The following UBE2E1 variants were observed in gnomAD, a reference collection of about 807,000 sequenced individuals.
The protein encoded by UBE2E1 is ubiquitin conjugating enzyme E2 E1.
A neutral mutation model predicts 21.4 loss-of-function variants in UBE2E1; 6 were observed. The ratio of observed to expected loss-of-function variants is 0.28; its 90% CI spans 0.15 to 0.55. The LOEUF is 0.55. Among genes scored for constraint, UBE2E1 ranks in the 20% least tolerant of loss-of-function variants. The pLI, the probability that UBE2E1 is intolerant of heterozygous loss-of-function variation, is 0.93. For missense variants in UBE2E1, 142 were observed against 236.5 expected, an observed-to-expected ratio of 0.60 and a Z score of 2.62; for synonymous variants, 87 against 82.7, an observed-to-expected ratio of 1.05 and a Z score of -0.28.
At chr3:23,864,695 T>G (rs1440516452) in intron 3 of UBE2E1, among the ~76,000 whole-genome samples, 1 of 152,266 alleles carries the variant, frequency 6.6e-6, no homozygotes, top group African/African-American at 2.4e-5. Flanking sequence ...TTTCTGTAGT[T>G]GGCTATCTTC....
In UBE2E1 at chr3:23,810,734, G is replaced by T. The variant is rs1181215324; in HGVS notation, c.153-726G>T. The T allele has an allele frequency of 5.2e-6, 2 of 387,834 alleles. No homozygotes were observed. Among genetic ancestry groups the T allele is most frequent in the East Asian group, 4.5e-5 (1 of 22,252 alleles). The allele number at this position is 387,834 out of a possible 1,614,324, so 24.0% of individuals were successfully genotyped here. ...GCTGGGGCGGCGCGGAGCAGCCCCC[G>T]TGCGGGCACCCTGTTCCCCTCCCCC... is the stretch of plus-strand genomic sequence containing the variant. On this transcript the variant is annotated intron_variant, in intron 2 of 5. Transcript: ENST00000306627. This position sits in a 1 kb window ranked among gnomAD's most constrained non-coding sequence, Gnocchi z 5.8.
Position 23,836,136 on chromosome 3 carries a change from C to A in UBE2E1, c.203+24626C>A, listed in dbSNP as rs961069629. ...AACTGTTTAGGATATAGATGAAATA[C>A]ATTGAAACAGCAAGAAGTTAAAGCA... is the stretch of plus-strand genomic sequence containing the variant. On this transcript the variant is annotated intron_variant, in intron 3 of 5. Transcript: ENST00000306627. This position sits in a 1 kb window ranked among gnomAD's most constrained non-coding sequence, Gnocchi z 4.1. 3.3e-5 allele frequency among the ~76,000 whole-genome samples: 5 copies of A among 152,104 alleles called. No homozygotes were observed. Among genetic ancestry groups the A allele is most frequent in the African/African-American group, 1.2e-4 (5 of 41,410 alleles).
At chr3:23,872,335 TTCGGC>T (rs1700817925) in intron 3 of UBE2E1, among the ~76,000 whole-genome samples, 1 of 151,570 alleles carries the variant, frequency 6.6e-6, no homozygotes, top group Admixed American at 6.6e-5. Context: ...ACAGTCCAGC[TTCGGC>T]TCGGCATCAG....
chr3:23,879,760 T>C (rs548273557), intron 3 of UBE2E1, among the ~76,000 whole-genome samples: 1 of 152,348 alleles, frequency 6.6e-6, no homozygotes, highest in African/African-American at 2.4e-5. Context: ...AGTCTGTTTC[T>C]AGCATGCTTA....
intron 3 of UBE2E1, among the ~76,000 whole-genome samples, chr3:23,839,018 G>A (rs899285954): frequency 4.0e-5 from 6 of 151,522 alleles, no homozygotes; most frequent in Admixed American, 6.6e-5. Flanking sequence ...CTACGTTCAC[G>A]TGATAATTAT....
chr3:23,851,166 C>G (rs113411369), intron 3 of UBE2E1, among the ~76,000 whole-genome samples: 108 of 152,258 alleles, frequency 7.1e-4, no homozygotes, highest in African/African-American at 1.4e-3. Context: ...CTCCATTGAG[C>G]TGATTTGGCA....
chr3:23,827,080 A>T, intron 3 of UBE2E1, among the ~76,000 whole-genome samples: 1 of 152,164 alleles, frequency 6.6e-6, no homozygotes, highest in East Asian at 1.9e-4. Flanking sequence ...TTTTTCACTT[A>T]TCCATTATAA....
chr3:23,809,019 G>C, intron 2 of UBE2E1, among the ~76,000 whole-genome samples: 1 of 152,172 alleles, frequency 6.6e-6, no homozygotes, highest in East Asian at 1.9e-4. Flanking sequence ...CAGAGAGGGG[G>C]ATTTTTTTCA....
intron 3 of UBE2E1, among the ~76,000 whole-genome samples, chr3:23,865,977 G>A (rs541767817): frequency 6.6e-6 from 1 of 152,290 alleles, no homozygotes; most frequent in South Asian, 2.1e-4. Context: ...AGCTAGAAGG[G>A]TGTGTGTAGA....
rs1468991168 is a variant in UBE2E1 at position 23,891,381 on chromosome 3, T to C, written c.*775T>C. 6.6e-6 allele frequency: 1 copy of C among 152,268 alleles called. No homozygotes were observed. The highest frequency in any genetic ancestry group is 2.4e-5 in the African/African-American group (1 of 41,470). The allele number at this position is 152,268 out of a possible 1,614,324, so 9.4% of individuals were successfully genotyped here. On this transcript the variant is annotated 3_prime_UTR_variant, in exon 6 of 6. Transcript: ENST00000306627. ...CATTCGCAGATTCTTCTGAAATCGATAGGTATCTGCTTCTAAAACAAGCTA... is the reference window on the plus strand; with the variant it reads ...CATTCGCAGATTCTTCTGAAATCGACAGGTATCTGCTTCTAAAACAAGCTA...
At chr3:23,852,432 C>A (rs750992275) in intron 3 of UBE2E1, among the ~76,000 whole-genome samples, 1 of 152,032 alleles carries the variant, frequency 6.6e-6, no homozygotes, top group Non-Finnish European at 1.5e-5. Flanking sequence ...TAGTATATAG[C>A]GATGGTTGGT....
intron 3 of UBE2E1, among the ~76,000 whole-genome samples, chr3:23,813,668 G>C (rs1439828779): frequency 6.6e-6 from 1 of 152,090 alleles, no homozygotes; most frequent in African/African-American, 2.4e-5. Flanking sequence ...CCTGCCTCCT[G>C]AGTAGCTGGG....
chr3:23,831,664 A>G (rs4858092), intron 3 of UBE2E1, among the ~76,000 whole-genome samples: 113,045 of 150,312 alleles, frequency 0.75, 42,971 homozygotes, highest in African/African-American at 0.82. Flanking sequence ...GACTACAGGC[A>G]CGTGCTACCA....
chr3:23,890,758 CTT>C lies in UBE2E1; in HGVS notation c.*153_*154del. ...CTTATTTCCTAAGATTTTGTTGTAA[CTT>C]AAGGTATCTTGCTACAGTAGACAGA... On this transcript the variant is annotated 3_prime_UTR_variant, in exon 6 of 6. Coordinates refer to ENST00000306627, the MANE Select transcript of UBE2E1 (RefSeq NM_003341.5). The C allele has an allele frequency of 1.6e-6, 1 of 622,704 alleles. No individual in the cohort carries two copies. Among genetic ancestry groups the C allele is most frequent in the Non-Finnish European group, 2.5e-6 (1 of 399,066 alleles). The allele number at this position is 622,704 out of a possible 1,614,324, so 38.6% of individuals were successfully genotyped here.
Position 23,887,712 on chromosome 3 carries a change from C to G in UBE2E1, c.336+13C>G. ...CAAGCCTCCAAAGGTAAGAAATCTC[C>G]CTGTATGCTCAAATTTACTAATTCC... On this transcript the variant is annotated intron_variant, in intron 4 of 5. Transcript: ENST00000306627. This position sits in a 1 kb window ranked among gnomAD's most constrained non-coding sequence, Gnocchi z 4.4. 1 of 1,591,760 alleles carries G rather than the reference C, an allele frequency of 6.3e-7. No homozygotes were observed. Among genetic ancestry groups the G allele is most frequent in the South Asian group, 1.2e-5 (1 of 86,610 alleles).
In UBE2E1 at chr3:23,870,721, G is replaced by A. The variant is rs903584983; in HGVS notation, c.204-16846G>A. On this transcript the variant is annotated intron_variant, in intron 3 of 5. Coordinates refer to ENST00000306627, the MANE Select transcript of UBE2E1 (RefSeq NM_003341.5). The surrounding 1 kb of genome is among the most constrained non-coding windows in gnomAD (Gnocchi z 4.2). The stretch of plus-strand genomic sequence containing the variant: ...TATTGATCATTCTTGGGTGTTTCTC[G>A]CAGAGGGGTATTTGGCAGGGTCATA... 3.3e-5 allele frequency among the ~76,000 whole-genome samples: 5 copies of A among 150,732 alleles called. No homozygotes were observed. Among genetic ancestry groups the A allele is most frequent in the Admixed American group, 1.3e-4 (2 of 15,162 alleles).
At chr3:23,875,558 T>C (rs1360363367) in intron 3 of UBE2E1, among the ~76,000 whole-genome samples, 1 of 152,172 alleles carries the variant, frequency 6.6e-6, no homozygotes, top group African/African-American at 2.4e-5. Flanking sequence ...CCTTCGGAAG[T>C]TTATCTACTT....
rs1282613734 is a variant in UBE2E1, at chr3:23,887,428, G to A, written c.204-139G>A. 4.0e-5 allele frequency: 48 copies of A among 1,202,368 alleles called. No homozygotes were observed. Among genetic ancestry groups the A allele is most frequent in the Non-Finnish European group, 5.0e-5 (45 of 896,152 alleles). The allele number at this position is 1,202,368 out of a possible 1,614,324, so 74.5% of individuals were successfully genotyped here. On this transcript the variant is annotated intron_variant, in intron 3 of 5. Coordinates refer to ENST00000306627, the MANE Select transcript of UBE2E1 (RefSeq NM_003341.5). The surrounding 1 kb of genome is among the most constrained non-coding windows in gnomAD (Gnocchi z 4.4). The stretch of plus-strand genomic sequence containing the variant: ...ATGGGTTTGTTGCAGTTCTGCATCC[G>A]TTTCTGTACTTGTTTTGTAAAGAGA...
chr3:23,826,085 A>C (rs1198087549), intron 3 of UBE2E1, among the ~76,000 whole-genome samples: 1 of 152,178 alleles, frequency 6.6e-6, no homozygotes, highest in East Asian at 1.9e-4. Context: ...GTTTTGAAAA[A>C]ATTGTATTAA....
Sources: gnomAD v4.1 joint callset for allele counts (sites outside exome capture counted in the v4.1 genomes callset) on GRCh38, gnomAD v4.1.1 for gene constraint, Gnocchi (gnomAD v3.1) non-coding constraint, MANE v1.5 for transcripts, NCBI Gene and HGNC (gene_info 2026-07-23, HGNC 2026-07-21) for gene names.